Variants in ARID1B observed in about 807,000 individuals in gnomAD.
ARID1B encodes AT-rich interactive domain-containing protein 1B.
A neutral mutation model predicts 212.3 loss-of-function variants in ARID1B; 30 were observed. The ratio of observed to expected loss-of-function variants is 0.14; its 90% CI spans 0.11 to 0.19. The LOEUF (loss-of-function observed/expected upper bound fraction) is 0.19, where lower values mean the gene tolerates loss of function less well. ARID1B is among the 10% of genes least tolerant of loss of function. ARID1B has a pLI of 1.00. For missense variants in ARID1B, 2,891 were observed against 3,204.0 expected, an observed-to-expected ratio of 0.90 and a Z score of 2.36; for synonymous variants, 1,402 against 1,301.7, an observed-to-expected ratio of 1.08 and a Z score of -1.66.
chr6:156,931,048 G>A (rs2128258497), intron 3 of ARID1B, among the ~76,000 whole-genome samples: 1 of 152,162 alleles, frequency 6.6e-6, no homozygotes, highest in Non-Finnish European at 1.5e-5. Flanking sequence ...AAATTAGCCA[G>A]GTGTGGTGGC....
intron 6 of ARID1B, among the ~76,000 whole-genome samples, chr6:157,117,117 A>G (rs1463164607): frequency 6.6e-6 from 1 of 152,206 alleles, no homozygotes; most frequent in Non-Finnish European, 1.5e-5. Flanking sequence ...GCAAATACAG[A>G]CAGTGCCATT....
At chr6:156,818,527 C>T (rs892726131) in intron 1 of ARID1B, among the ~76,000 whole-genome samples, 1 of 152,150 alleles carries the variant, frequency 6.6e-6, no homozygotes, top group Non-Finnish European at 1.5e-5. Flanking sequence ...GCAAATCACA[C>T]TAAACATCTT....
At chr6:156,857,673 G>T (rs918362535) in intron 2 of ARID1B, among the ~76,000 whole-genome samples, 1 of 152,186 alleles carries the variant, frequency 6.6e-6, no homozygotes, top group Non-Finnish European at 1.5e-5. Context: ...TTCCTAACTG[G>T]TATAGTAGTC....
In ARID1B at chr6:157,034,589, G is replaced by A. The variant is rs76466748; in HGVS notation, c.2248-50073G>A. ...CAAAAAAGCTTAGCTGATTTCGGCC[G>A]GTAAGTTTAATGACTACTACCTGGA... On this transcript the variant is annotated intron_variant, in intron 4 of 19. Coordinates refer to ENST00000636930, the MANE Select transcript of ARID1B (RefSeq NM_001374828.1). Among the ~76,000 whole-genome samples the A allele has an allele frequency of 5.6e-3, 847 of 152,252 alleles. 14 individuals carry two copies. Among genetic ancestry groups the A allele is most frequent in the African/African-American group, 0.02 (815 of 41,558 alleles).
intron 4 of ARID1B, among the ~76,000 whole-genome samples, chr6:157,005,783 CT>C (rs1362219730): frequency 6.6e-6 from 1 of 152,058 alleles, no homozygotes; most frequent in African/African-American, 2.4e-5. Context: ...TTTAAAAATG[CT>C]TTTTAGAAGT....
chr6:156,800,355 G>A lies in ARID1B; in HGVS notation c.1791+20884G>A, dbSNP rs189804576. 5.3e-5 allele frequency among the ~76,000 whole-genome samples: 8 copies of A among 152,292 alleles called. No individual in the cohort carries two copies. In the East Asian group the frequency reaches 1.4e-3, roughly 26 times the overall value. On this transcript the variant is annotated intron_variant, in intron 1 of 19. Coordinates refer to ENST00000636930, the MANE Select transcript of ARID1B (RefSeq NM_001374828.1). ...CTGTAATCCAACACTTTGGGAGGCC[G>A]AGGCGGGTGGATCATCTAAGGTCAG...
At chr6:156,976,658 C>T (rs1178164298) in intron 4 of ARID1B, among the ~76,000 whole-genome samples, 1 of 152,176 alleles carries the variant, frequency 6.6e-6, no homozygotes, top group Admixed American at 6.5e-5. Context: ...CACGTGGAAG[C>T]TTTCCTTTCA....
chr6:157,030,806 T>C (rs1230277567), intron 4 of ARID1B, among the ~76,000 whole-genome samples: 1 of 152,198 alleles, frequency 6.6e-6, no homozygotes, highest in East Asian at 1.9e-4. Flanking sequence ...TAGATGTATT[T>C]TTCATTGTTA....
At position 157,148,874 on chromosome 6, in the gene ARID1B, A is replaced by G. The variant is rs1370113711; in HGVS notation, c.3012A>G (p.Pro1004=). 1 of 1,612,856 alleles carries G rather than the reference A, an allele frequency of 6.2e-7. No individual in the cohort carries two copies. The highest frequency in any genetic ancestry group is 1.3e-5 in the African/African-American group (1 of 74,934). ...AGGGAGGGCCAGGAATGGGGCCGCC[A>G]ATGCCAACTGTGAACCGTAAGGCAC... ...SQQGGPGMGP[P]MPTVNRKAQE... The change falls in exon 8 of 20, where the codon CCA becomes CCG. Residue 1004 remains proline (P), a synonymous_variant. Coordinates refer to ENST00000636930, the MANE Select transcript of ARID1B (RefSeq NM_001374828.1). The surrounding 1 kb of genome is among the most constrained non-coding windows in gnomAD (Gnocchi z 5.6).
At chr6:157,099,040 T>C (rs1785870544) in intron 5 of ARID1B, among the ~76,000 whole-genome samples, 1 of 152,220 alleles carries the variant, frequency 6.6e-6, no homozygotes, top group Admixed American at 6.5e-5. Context: ...CTCAGATCGC[T>C]GCAGCTTCCG....
At chr6:156,809,055 T>A (rs1250474752) in intron 1 of ARID1B, among the ~76,000 whole-genome samples, 1 of 152,244 alleles carries the variant, frequency 6.6e-6, no homozygotes, top group Non-Finnish European at 1.5e-5. Context: ...TATTAATCTT[T>A]TAAAAGTAAA....
At chr6:157,202,557 C>G (rs980762918) in intron 18 of ARID1B, among the ~76,000 whole-genome samples, 1 of 151,850 alleles carries the variant, frequency 6.6e-6, no homozygotes, top group Non-Finnish European at 1.5e-5. Context: ...AAGTGAGATT[C>G]ATTTCTGTAG....
intron 5 of ARID1B, among the ~76,000 whole-genome samples, chr6:157,105,897 G>A (rs1370682270): frequency 6.6e-6 from 1 of 152,126 alleles, no homozygotes; most frequent in Admixed American, 6.6e-5. Flanking sequence ...ATCGTACCTG[G>A]CCAAGACTGG....
chr6:156,893,051 T>TGTTTTTTTG (rs201418007), intron 2 of ARID1B, among the ~76,000 whole-genome samples: 2 of 138,396 alleles, frequency 1.4e-5, no homozygotes, highest in African/African-American at 5.7e-5. Flanking sequence ...CTTCCTTTTT[T>TGTTTTTTTG]TTTTTTTTTG....
At chr6:157,165,825 G>A (rs1791286557) in intron 8 of ARID1B, among the ~76,000 whole-genome samples, 1 of 152,072 alleles carries the variant, frequency 6.6e-6, no homozygotes, top group Admixed American at 6.5e-5. Context: ...ACTTCAGCCT[G>A]GGCGACAGAA....
At chr6:157,069,708 C>G (rs1347614580) in intron 4 of ARID1B, among the ~76,000 whole-genome samples, 4 of 152,132 alleles carry the variant, frequency 2.6e-5, no homozygotes, top group Non-Finnish European at 5.9e-5. Flanking sequence ...AAACCTGGAG[C>G]CTTTTTCCTG....
intron 8 of ARID1B, among the ~76,000 whole-genome samples, chr6:157,153,372 TTCTACAC>T (rs1434749989): frequency 1.3e-5 from 2 of 151,034 alleles, no homozygotes; most frequent in Non-Finnish European, 3.0e-5. Context: ...ACCCTCCTCC[TTCTACAC>T]ACTGATACCC....
Position 157,206,832 on chromosome 6 carries a change from G to A in ARID1B, c.6060G>A (p.Gln2020=). Residue 2020 remains glutamine (Q), a synonymous_variant, in exon 20 of 20, where the codon CAG becomes CAA. Coordinates refer to ENST00000636930, the MANE Select transcript of ARID1B (RefSeq NM_001374828.1). The surrounding 1 kb of genome is among the most constrained non-coding windows in gnomAD (Gnocchi z 6.8). ...ALPEDANPGP[Q]TESSKFPFGI... ...CTGAAGACGCAAACCCTGGGCCCCA[G>A]ACCGAAAGCAGTAAGTTTCCCTTTG... is the stretch of plus-strand genomic sequence containing the variant. 1 of 1,614,088 alleles carries A rather than the reference G, an allele frequency of 6.2e-7. No individual in the cohort carries two copies. The highest frequency in any genetic ancestry group is 1.6e-4 in the Middle Eastern group (1 of 6,062).
At chr6:156,871,470 C>G (rs756200827) in intron 2 of ARID1B, 39 of 682,852 alleles carry the variant, frequency 5.7e-5, no homozygotes, top group Non-Finnish European at 8.6e-5. Context: ...GTGGAGAAGG[C>G]CTGATACAGA....
Sources: allele counts gnomAD v4.1 joint callset (sites outside exome capture counted in the v4.1 genomes callset), GRCh38; gene constraint gnomAD v4.1.1; non-coding constraint Gnocchi (gnomAD v3.1); transcripts MANE v1.5; gene names NCBI Gene and HGNC (gene_info 2026-07-23, HGNC 2026-07-21).